The following RANBP2 variants were observed in gnomAD, a reference collection of about 807,000 sequenced individuals.
The protein encoded by RANBP2 is E3 SUMO-protein ligase RanBP2.
RANBP2 carries 57 observed loss-of-function variants against 303.6 expected under a neutral mutation model. The observed-to-expected ratio is 0.19, with a 90% CI of 0.15 to 0.23. The LOEUF is 0.23. Ranked by LOEUF, RANBP2 falls within the 10% of genes least tolerant of loss-of-function variation. The pLI, the probability that RANBP2 is intolerant of heterozygous loss-of-function variation, is 1.00. For synonymous variants in RANBP2, 1,167 were observed against 1,301.5 expected (o/e 0.90, Z 2.23); for missense variants, 3,138 against 3,780.8 (o/e 0.83, Z 4.46).
the RANBP2 span, among the ~76,000 whole-genome samples, chr2:108,837,389 A>G: frequency 1.3e-5 from 2 of 152,234 alleles, no homozygotes; most frequent in South Asian, 4.1e-4. Context: ...AATCTCACTT[A>G]GTCATGGCGT....
the RANBP2 span, among the ~76,000 whole-genome samples, chr2:108,947,342 T>G: frequency 6.6e-6 from 1 of 152,160 alleles, no homozygotes; most frequent in South Asian, 2.1e-4. Flanking sequence ...TCCAAGTGCA[T>G]GGTGCAAGCT....
At chr2:109,531,986 G>A in the RANBP2 span, among the ~76,000 whole-genome samples, 1 of 152,236 alleles carries the variant, frequency 6.6e-6, no homozygotes, top group African/African-American at 2.4e-5. Flanking sequence ...GAAGGATGGT[G>A]TAGCTGTGAC....
chr2:109,295,219 A>AGGCACCCT, the RANBP2 span, among the ~76,000 whole-genome samples: 1 of 152,188 alleles, frequency 6.6e-6, no homozygotes, highest in Non-Finnish European at 1.5e-5. Flanking sequence ...GCAGGCATGC[A>AGGCACCCT]GGCACCCTGG....
At chr2:109,270,849 T>C in the RANBP2 span, among the ~76,000 whole-genome samples, 1 of 152,204 alleles carries the variant, frequency 6.6e-6, no homozygotes, top group Non-Finnish European at 1.5e-5. Flanking sequence ...GTTGGTAGGA[T>C]GGAGTGGCCA....
At chr2:109,510,336 G>A in the RANBP2 span, among the ~76,000 whole-genome samples, 7 of 152,304 alleles carry the variant, frequency 4.6e-5, no homozygotes, top group South Asian at 6.2e-4. Context: ...GGAATGGCTC[G>A]TATGAATGTG....
At chr2:109,733,205 C>T in the RANBP2 span, 2 of 422,790 alleles carry the variant, frequency 4.7e-6, no homozygotes, top group Non-Finnish European at 9.3e-6. Flanking sequence ...AAGCTGACTC[C>T]ATCTGCTACT....
chr2:109,153,805 G>C, the RANBP2 span, among the ~76,000 whole-genome samples: 5 of 152,238 alleles, frequency 3.3e-5, no homozygotes, highest in Non-Finnish European at 5.9e-5. Flanking sequence ...CCACCATCTT[G>C]CTGGAGCTGA....
chr2:109,063,269 T>C, the RANBP2 span, among the ~76,000 whole-genome samples: 1 of 152,206 alleles, frequency 6.6e-6, no homozygotes, highest in African/African-American at 2.4e-5. Flanking sequence ...CTCCTGGGGC[T>C]TTTGATCTTG....
chr2:109,087,830 T>C, the RANBP2 span, among the ~76,000 whole-genome samples: 1 of 151,874 alleles, frequency 6.6e-6, no homozygotes, highest in African/African-American at 2.4e-5. Context: ...ATGAGGACAG[T>C]GGGAGGTTGA....
the RANBP2 span, among the ~76,000 whole-genome samples, chr2:109,488,660 A>G: frequency 2.0e-5 from 3 of 152,108 alleles, no homozygotes; most frequent in African/African-American, 2.4e-5. Flanking sequence ...GTTCCTGGGA[A>G]CACTCTCCCT....
chr2:109,287,402 G>A, the RANBP2 span, among the ~76,000 whole-genome samples: 2 of 152,108 alleles, frequency 1.3e-5, no homozygotes, highest in African/African-American at 4.8e-5. Flanking sequence ...TTATCTGTGG[G>A]CTTACAGTGA....
the RANBP2 span, among the ~76,000 whole-genome samples, chr2:108,817,186 CTT>C: frequency 2.2e-3 from 341 of 152,266 alleles, 2 homozygotes; most frequent in Admixed American, 4.3e-3. Flanking sequence ...ATCACACAAA[CTT>C]TTTAAACCAG....
chr2:108,829,416 A>G, the RANBP2 span, among the ~76,000 whole-genome samples: 3 of 152,244 alleles, frequency 2.0e-5, no homozygotes, highest in East Asian at 3.8e-4. Flanking sequence ...AGGAAATACA[A>G]AACCACAGTA....
the RANBP2 span, among the ~76,000 whole-genome samples, chr2:109,638,964 C>T: frequency 6.6e-6 from 1 of 152,212 alleles, no homozygotes; most frequent in Admixed American, 6.5e-5. Flanking sequence ...TGCTCCAAAA[C>T]AAAGCCTGCA....
the RANBP2 span, among the ~76,000 whole-genome samples, chr2:109,407,335 C>G: frequency 6.6e-6 from 1 of 152,224 alleles, no homozygotes; most frequent in Non-Finnish European, 1.5e-5. Flanking sequence ...CAGCATTTCT[C>G]AAGTCTCTTC....
chr2:109,255,461 A>G, the RANBP2 span, among the ~76,000 whole-genome samples: 3 of 152,240 alleles, frequency 2.0e-5, no homozygotes, highest in Admixed American at 2.0e-4. Context: ...TCAGGGTTGG[A>G]CTGGGGTTCG....
At chr2:109,332,676 C>T in the RANBP2 span, among the ~76,000 whole-genome samples, 3 of 152,180 alleles carry the variant, frequency 2.0e-5, no homozygotes, top group Non-Finnish European at 2.9e-5. Context: ...AAGGATGGGG[C>T]GATGAGTCAC....
chr2:108,781,506 G>C (rs546034503), intron 26 of RANBP2, 77 bp downstream of exon 26: 1 of 1,393,674 alleles, frequency 7.2e-7, no homozygotes, highest in East Asian at 2.3e-5. Flanking sequence ...GATCTGTCAG[G>C]GTATAATTGT....
At chr2:109,736,658 A>G in the RANBP2 span, among the ~76,000 whole-genome samples, 2 of 152,162 alleles carry the variant, frequency 1.3e-5, no homozygotes, top group African/African-American at 4.8e-5. Context: ...TTTGTACTAA[A>G]AAAAATCAAA....
Sources: gnomAD v4.1 joint callset for allele counts (sites outside exome capture counted in the v4.1 genomes callset) on GRCh38, gnomAD v4.1.1 for gene constraint, MANE v1.5 for transcripts, NCBI Gene and HGNC (gene_info 2026-07-23, HGNC 2026-07-21) for gene names.